The following PDE12 variants were observed in gnomAD, a reference collection of about 807,000 sequenced individuals.
The protein encoded by PDE12 is phosphodiesterase 12.
Under a neutral mutation model 45.4 loss-of-function variants are expected in PDE12, and 26 were observed. The ratio of observed to expected loss-of-function variants is 0.57; its 90% CI spans 0.42 to 0.79. PDE12 has a LOEUF of 0.79. PDE12 is among the 30% of genes least tolerant of loss of function. The pLI is 0.00. For synonymous variants in PDE12, 283 were observed against 323.9 expected, an observed-to-expected ratio of 0.87 and a Z score of 1.36; for missense variants, 668 against 790.0, an observed-to-expected ratio of 0.85 and a Z score of 1.85.
the PDE12 span, among the ~76,000 whole-genome samples, chr3:57,580,791 A>AT: frequency 2.0e-5 from 3 of 147,872 alleles, no homozygotes; most frequent in Non-Finnish European, 4.5e-5. Context: ...TTTTTTTTTA[A>AT]ATGTAAAGAC....
downstream of PDE12, among the ~76,000 whole-genome samples, chr3:57,568,095 T>TAAAAAAAAAA (rs2069802595): frequency 1.4e-4 from 14 of 100,404 alleles, no homozygotes; most frequent in African/African-American, 5.3e-4. Flanking sequence ...AAAAAAAAAG[T>TAAAAAAAAAA]AAAGCACTTG....
chr3:57,630,360 A>C, the PDE12 span: 1 of 1,421,810 alleles, frequency 7.0e-7, no homozygotes, highest in Non-Finnish European at 9.5e-7. Context: ...TCAACTTCTA[A>C]GCATAATTAT....
chr3:57,614,452 T>C, the PDE12 span, among the ~76,000 whole-genome samples: 2 of 151,658 alleles, frequency 1.3e-5, no homozygotes, highest in East Asian at 3.9e-4. Flanking sequence ...CTCTTCTAAA[T>C]AACTCCTGGA....
At chr3:57,643,324 C>T in the PDE12 span, among the ~76,000 whole-genome samples, 3 of 151,956 alleles carry the variant, frequency 2.0e-5, no homozygotes, top group Non-Finnish European at 2.9e-5. Context: ...AAGAGGGAGA[C>T]AAAAATAATT....
the PDE12 span, among the ~76,000 whole-genome samples, chr3:57,598,623 T>C: frequency 1.2e-4 from 18 of 151,940 alleles, no homozygotes; most frequent in African/African-American, 3.6e-4. Context: ...CTACTAAAAA[T>C]AGAATAAATT....
chr3:57,628,749 CAT>C, the PDE12 span: 8 of 1,529,964 alleles, frequency 5.2e-6, no homozygotes, highest in African/African-American at 6.9e-5. Context: ...TGTCAGCTCA[CAT>C]GAGAGGACAA....
chr3:57,588,525 T>G, the PDE12 span, among the ~76,000 whole-genome samples: 1 of 150,826 alleles, frequency 6.6e-6, no homozygotes, highest in East Asian at 1.9e-4. Context: ...CTGGACAACA[T>G]GGCAAAACCC....
chr3:57,556,610 C>T lies in PDE12; in HGVS notation c.231C>T (p.Arg77=), dbSNP rs780259335. The change falls in exon 1 of 3, where the codon CGC becomes CGT. Residue 77 remains arginine, a synonymous_variant. Transcript: ENST00000311180. The surrounding 1 kb of genome is among the most constrained non-coding windows in gnomAD (Gnocchi z 5.0). ...QSEPLGRVLS[R]IATNALKGHA... Reference sequence around the variant, plus strand: ...AGCCGCTGGGTCGAGTCCTCAGCCGCATCGCTACCAATGCCCTAAAGGGTC... The same window carrying T: ...AGCCGCTGGGTCGAGTCCTCAGCCGTATCGCTACCAATGCCCTAAAGGGTC... The T allele has an allele frequency of 1.2e-5, 20 of 1,611,898 alleles. No individual in the cohort carries two copies. The highest frequency in any genetic ancestry group is 1.6e-5 in the Non-Finnish European group (19 of 1,179,004).
At chr3:57,570,336 C>G (rs1352722167), downstream of PDE12, among the ~76,000 whole-genome samples, 1 of 147,950 alleles carries the variant, frequency 6.8e-6, no homozygotes, top group African/African-American at 2.5e-5. Context: ...CTCAGCCTCT[C>G]AAGTAGCTGG....
chr3:57,583,940 A>G, the PDE12 span: 12 of 1,611,774 alleles, frequency 7.4e-6, no homozygotes, highest in Non-Finnish European at 9.3e-6. Flanking sequence ...GCCTAATTCT[A>G]TCTTGACCAC....
chr3:57,619,241 G>A, the PDE12 span, among the ~76,000 whole-genome samples: 22 of 152,112 alleles, frequency 1.4e-4, no homozygotes, highest in East Asian at 2.1e-3. Flanking sequence ...CCAGCTACTC[G>A]GGAGGCTGAG....
the PDE12 span, among the ~76,000 whole-genome samples, chr3:57,613,947 TAA>T: frequency 6.8e-6 from 1 of 147,724 alleles, no homozygotes; most frequent in South Asian, 2.2e-4. Flanking sequence ...ACAAATAGGT[TAA>T]GAGTGTAAGT....
chr3:57,556,631 G>A lies in PDE12; in HGVS notation c.252G>A (p.Lys84=), dbSNP rs760207176. The A allele has an allele frequency of 1.2e-6, 2 of 1,607,698 alleles. No individual in the cohort carries two copies. The highest frequency in any genetic ancestry group is 4.5e-5 in the East Asian group (2 of 44,698). ...VLSRIATNAL[K]GHAKAAAAKK... ...GCCGCATCGCTACCAATGCCCTAAA[G>A]GGTCACGCTAAGGCGGCCGCCGCCA... The change falls in exon 1 of 3, where the codon AAG becomes AAA. Residue 84 remains lysine (K), a synonymous_variant. Transcript: ENST00000311180. This position sits in a 1 kb window ranked among gnomAD's most constrained non-coding sequence, Gnocchi z 5.0.
the PDE12 span, among the ~76,000 whole-genome samples, chr3:57,647,233 A>G: frequency 2.6e-5 from 4 of 152,338 alleles, no homozygotes; most frequent in African/African-American, 9.6e-5. Context: ...AAATTATGAG[A>G]TGGAAATTAG....
the PDE12 span, among the ~76,000 whole-genome samples, chr3:57,655,610 C>A: frequency 1.6e-4 from 25 of 152,114 alleles, 1 homozygote; most frequent in Admixed American, 1.6e-3. Flanking sequence ...GTTGCATGCA[C>A]AAAATCATTA....
the PDE12 span, among the ~76,000 whole-genome samples, chr3:57,607,641 T>C: frequency 6.6e-6 from 1 of 152,072 alleles, no homozygotes; most frequent in Non-Finnish European, 1.5e-5. Flanking sequence ...AGGGTATCAG[T>C]AATGGAAGAT....
the PDE12 span, among the ~76,000 whole-genome samples, chr3:57,607,090 A>G: frequency 1.3e-5 from 2 of 152,262 alleles, no homozygotes; most frequent in East Asian, 3.9e-4. Flanking sequence ...CTGTTTAGCA[A>G]TATTCATGGT....
chr3:57,629,271 C>G, the PDE12 span, among the ~76,000 whole-genome samples: 1 of 152,132 alleles, frequency 6.6e-6, no homozygotes, highest in East Asian at 1.9e-4. Context: ...ACTGGATGTA[C>G]ACTTCGTGTT....
Position 57,556,323 on chromosome 3 carries a change from C to G in PDE12, c.-57C>G. ...GGCGGCCTCGGCTCCTCAGCTCCACCTGACAGTAGGCCGCTGATCGGCCGC... is the reference window on the plus strand; with the variant it reads ...GGCGGCCTCGGCTCCTCAGCTCCACGTGACAGTAGGCCGCTGATCGGCCGC... On this transcript the variant is annotated 5_prime_UTR_variant, in exon 1 of 3. Coordinates refer to ENST00000311180, the MANE Select transcript of PDE12 (RefSeq NM_177966.7). The surrounding 1 kb of genome is among the most constrained non-coding windows in gnomAD (Gnocchi z 5.0). 1.3e-6 allele frequency: 2 copies of G among 1,489,510 alleles called. No homozygotes were observed. Among genetic ancestry groups the G allele is most frequent in the Non-Finnish European group, 9.0e-7 (1 of 1,116,902 alleles). 92.3% of individuals were successfully genotyped at this position (1,489,510 alleles called of 1,614,324 possible). A position where few individuals can be genotyped will look rare whatever the true frequency, so the allele number is the denominator to read the frequency against.
Sources: allele counts gnomAD v4.1 joint callset (sites outside exome capture counted in the v4.1 genomes callset), GRCh38; gene constraint gnomAD v4.1.1; non-coding constraint Gnocchi (gnomAD v3.1); transcripts MANE v1.5; gene names NCBI Gene and HGNC (gene_info 2026-07-23, HGNC 2026-07-21).